ZFHX3: variants seen among roughly 807,000 people sequenced by gnomAD.
ZFHX3 encodes the protein zinc finger homeobox 3.
In ZFHX3, 42 loss-of-function variants were observed where a neutral mutation model predicts 279.1. The ratio of observed to expected loss-of-function variants is 0.15; its 90% CI spans 0.12 to 0.19. The LOEUF is 0.19. Ranked by LOEUF, ZFHX3 falls within the 10% of genes least tolerant of loss-of-function variation. The probability of loss-of-function intolerance (pLI) is 1.00; values close to 1 mark genes in which losing one functional copy is unlikely to be tolerated. For synonymous variants in ZFHX3, 2,293 were observed against 1,957.8 expected (o/e 1.17, Z -4.52); for missense variants, 4,981 against 4,754.0 (o/e 1.05, Z -1.40).
chr16:72,938,052 G>T (rs1960215637), intron 3 of ZFHX3, among the ~76,000 whole-genome samples: 1 of 152,236 alleles, frequency 6.6e-6, no homozygotes, highest in African/African-American at 2.4e-5. Context: ...TCCTCAAGAG[G>T]TTTACGAACC....
At chr16:73,679,142 T>A (rs947493922) in intron 2 of ZFHX3, among the ~76,000 whole-genome samples, 2 of 151,746 alleles carry the variant, frequency 1.3e-5, no homozygotes, top group African/African-American at 4.8e-5. Flanking sequence ...TTTTTTTTAA[T>A]GGAAACCAGC....
intron 5 of ZFHX3, among the ~76,000 whole-genome samples, chr16:73,217,423 C>G (rs570523766): frequency 6.6e-6 from 1 of 152,142 alleles, no homozygotes; most frequent in Non-Finnish European, 1.5e-5. Context: ...TCAGGTCACA[C>G]TGGCCCACAG....
chr16:73,316,548 C>G (rs530816478), intron 4 of ZFHX3, among the ~76,000 whole-genome samples: 9 of 152,254 alleles, frequency 5.9e-5, no homozygotes, highest in Non-Finnish European at 1.0e-4. Flanking sequence ...CTTTGATATT[C>G]TTTTCCAACG....
chr16:72,853,970 G>A (rs1039242317), intron 4 of ZFHX3, among the ~76,000 whole-genome samples: 5 of 151,624 alleles, frequency 3.3e-5, no homozygotes, highest in African/African-American at 1.2e-4. Context: ...AAAAAGAAAA[G>A]AAAAGAAAAG....
chr16:72,955,713 T>G (rs1217408276), intron 2 of ZFHX3, among the ~76,000 whole-genome samples: 2 of 149,068 alleles, frequency 1.3e-5, no homozygotes, highest in Admixed American at 1.4e-4. Flanking sequence ...AGGAGGTGGA[T>G]GTTGCAGTGA....
intron 5 of ZFHX3, among the ~76,000 whole-genome samples, chr16:73,183,259 C>A (rs576637937): frequency 4.6e-5 from 7 of 152,130 alleles, no homozygotes; most frequent in African/African-American, 1.7e-4. Flanking sequence ...TTGGGTGATG[C>A]GGACACTAAA....
chr16:72,892,409 G>C (rs747108068), intron 3 of ZFHX3, among the ~76,000 whole-genome samples: 1 of 152,168 alleles, frequency 6.6e-6, no homozygotes, highest in African/African-American at 2.4e-5. Flanking sequence ...GGAAGAACCA[G>C]TGAGTGCAAT....
At chr16:73,666,896 C>A (rs879426956) in intron 2 of ZFHX3, among the ~76,000 whole-genome samples, 1 of 151,986 alleles carries the variant, frequency 6.6e-6, no homozygotes, top group Non-Finnish European at 1.5e-5. Flanking sequence ...TTTCACTTAA[C>A]ACAATGCCTA....
chr16:73,576,847 T>C (rs2051805315), intron 2 of ZFHX3, among the ~76,000 whole-genome samples: 1 of 152,172 alleles, frequency 6.6e-6, no homozygotes, highest in Non-Finnish European at 1.5e-5. Context: ...ATCCAATAGT[T>C]AGTTTTTTCT....
chr16:73,700,282 G>A (rs1473665527), intron 1 of ZFHX3, among the ~76,000 whole-genome samples: 3 of 152,056 alleles, frequency 2.0e-5, no homozygotes, highest in Non-Finnish European at 2.9e-5. Context: ...TGAGAATCCT[G>A]TTCTCACCTA....
chr16:73,444,004 T>C (rs2075755499), intron 3 of ZFHX3, among the ~76,000 whole-genome samples: 1 of 152,142 alleles, frequency 6.6e-6, no homozygotes, highest in African/African-American at 2.4e-5. Flanking sequence ...CAAGGAACCA[T>C]CCCACCTTGG....
chr16:72,899,264 G>T (rs2038974085), intron 3 of ZFHX3, among the ~76,000 whole-genome samples: 1 of 152,126 alleles, frequency 6.6e-6, no homozygotes, highest in Non-Finnish European at 1.5e-5. Flanking sequence ...TCTGGTGGGA[G>T]GTAACTGAAT....
At chr16:73,347,797 A>C (rs555612504) in intron 3 of ZFHX3, among the ~76,000 whole-genome samples, 1 of 152,376 alleles carries the variant, frequency 6.6e-6, no homozygotes, top group South Asian at 2.1e-4. Flanking sequence ...TCCATGGTGC[A>C]GATAGCTCAA....
intron 7 of ZFHX3, among the ~76,000 whole-genome samples, chr16:73,105,416 C>T (rs1224673496): frequency 1.6e-4 from 16 of 102,904 alleles, no homozygotes; most frequent in African/African-American, 5.2e-4. Flanking sequence ...TATACACACA[C>T]ACATATATAT....
At chr16:73,627,573 C>T (rs1260513595) in intron 2 of ZFHX3, among the ~76,000 whole-genome samples, 4 of 152,142 alleles carry the variant, frequency 2.6e-5, no homozygotes, top group Non-Finnish European at 4.4e-5. Flanking sequence ...CCCTTCTAAT[C>T]TATTTGTTCA....
chr16:73,558,343 G>A (rs537471698), intron 2 of ZFHX3: 5 of 152,282 alleles, frequency 3.3e-5, no homozygotes, highest in South Asian at 2.1e-4. Context: ...ACTTTGACTC[G>A]TAAACAGTTC....
At chr16:73,582,383 A>G (rs1331558006) in intron 2 of ZFHX3, among the ~76,000 whole-genome samples, 1 of 151,950 alleles carries the variant, frequency 6.6e-6, no homozygotes, top group East Asian at 1.9e-4. Context: ...AAATGGACAA[A>G]TAACATCTCA....
chr16:73,410,342 G>T (rs770174656), intron 3 of ZFHX3, among the ~76,000 whole-genome samples: 1 of 152,162 alleles, frequency 6.6e-6, no homozygotes, highest in Non-Finnish European at 1.5e-5. Flanking sequence ...CTTGAACCCG[G>T]GAGGCAGAGG....
intron 5 of ZFHX3, among the ~76,000 whole-genome samples, chr16:73,176,306 C>A (rs1222893292): frequency 1.3e-5 from 2 of 152,196 alleles, no homozygotes; most frequent in African/African-American, 4.8e-5. Context: ...AGATCAATGT[C>A]AATGCAATTA....
Sources: allele counts gnomAD v4.1 joint callset (sites outside exome capture counted in the v4.1 genomes callset), GRCh38; gene constraint gnomAD v4.1.1; transcripts MANE v1.5; gene names NCBI Gene and HGNC (gene_info 2026-07-23, HGNC 2026-07-21).